Variants in RNF17 observed in about 807,000 individuals in gnomAD.
RNF17 encodes the protein spermatogenesis associated 23.
A neutral mutation model predicts 200.5 loss-of-function variants in RNF17; 31 were observed. The ratio of observed to expected loss-of-function variants is 0.15; its 90% CI spans 0.12 to 0.21. The LOEUF is 0.21. Ranked by LOEUF, RNF17 falls within the 10% of genes least tolerant of loss-of-function variation. The pLI, the probability that RNF17 is intolerant of heterozygous loss-of-function variation, is 1.00. For synonymous variants in RNF17, 606 were observed against 637.8 expected (o/e 0.95, Z 0.75); for missense variants, 1,628 against 1,905.1 (o/e 0.85, Z 2.71).
chr13:24,819,538 T>C (rs892265979), intron 15 of RNF17, among the ~76,000 whole-genome samples: 1 of 152,202 alleles, frequency 6.6e-6, no homozygotes, highest in African/African-American at 2.4e-5. Flanking sequence ...TTGTAGATTA[T>C]TTTTTATCAT....
chr13:24,827,725 A>AAAAAAC (rs1888885519), intron 16 of RNF17, among the ~76,000 whole-genome samples: 2 of 148,184 alleles, frequency 1.3e-5, no homozygotes, highest in South Asian at 4.3e-4. Flanking sequence ...AAACAAAAAA[A>AAAAAAC]AAAAAACAAT....
chr13:24,828,777 T>C (rs17071605), intron 16 of RNF17, among the ~76,000 whole-genome samples: 29,747 of 151,858 alleles, frequency 0.2, 3,176 homozygotes, highest in South Asian at 0.32. Flanking sequence ...TTCCATATGA[T>C]AAATGTTAGT....
chr13:24,802,461 A>G lies in RNF17; in HGVS notation c.1839A>G (p.Arg613=), dbSNP rs747683351. 1 of 1,614,020 alleles carries G rather than the reference A, an allele frequency of 6.2e-7. No individual in the cohort carries two copies. The highest frequency in any genetic ancestry group is 8.5e-7 in the Non-Finnish European group (1 of 1,179,908). ...NNKAVSMKVF[R]EEDGVLIVDL... is the part of the protein sequence containing the mutation. The stretch of plus-strand genomic sequence containing the variant: ...AGGCTGTTTCAATGAAAGTTTTTAG[A>G]GAAGAAGATGGTGTGCTTATTGTAG... Residue 613 remains arginine, a synonymous_variant, in exon 14 of 36, where the codon AGA becomes AGG. Coordinates refer to ENST00000255324, the MANE Select transcript of RNF17 (RefSeq NM_031277.3).
At chr13:24,758,300 C>G in the RNF17 span, among the ~76,000 whole-genome samples, 7 of 152,166 alleles carry the variant, frequency 4.6e-5, no homozygotes, top group Non-Finnish European at 8.8e-5. Flanking sequence ...CCACCCACCT[C>G]AAATTTTTAC....
At chr13:24,766,872 C>A (rs1593197680) in intron 1 of RNF17, among the ~76,000 whole-genome samples, 1 of 152,190 alleles carries the variant, frequency 6.6e-6, no homozygotes. Context: ...CATAGCTCTT[C>A]TTGGTTTTTC....
intron 16 of RNF17, among the ~76,000 whole-genome samples, chr13:24,828,941 C>T (rs1039761730): frequency 1.3e-5 from 2 of 151,932 alleles, no homozygotes; most frequent in South Asian, 2.1e-4. Flanking sequence ...CCAGATTAGC[C>T]GGGGCTATAG....
rs568011621 is a variant in RNF17 at position 24,837,080 on chromosome 13, TATATC to T, written c.2483-4959_2483-4955del. On this transcript the variant is annotated intron_variant, in intron 18 of 35. Transcript: ENST00000255324. ...AAAAACGAGCAAGGGTAGTTATTCT[TATATC>T]AGACAAAACAAACTTAAAGCAACAG... is the stretch of plus-strand genomic sequence containing the variant. Among the ~76,000 whole-genome samples the T allele has an allele frequency of 9.2e-5, 14 of 152,218 alleles. No homozygotes were observed. The East Asian group carries it at 2.5e-3, about 27-fold the overall frequency.
In RNF17 at chr13:24,868,640, C is replaced by A; in HGVS notation, c.4202C>A (p.Pro1401Gln). The stretch of plus-strand genomic sequence containing the variant: ...GAAACAGACACTCCTCTTTTACCAC[C>A]ATATTTGTCTTCATCTCTGCCTTCC... ...SAETDTPLLP[P>Q]YLSSSLPSPG... The change falls in exon 31 of 36, where the codon CCA becomes CAA. Residue 1401 changes from proline to glutamine, a missense_variant. By Grantham distance (76) the Pro-to-Gln change is moderately conservative. Around this residue, in one of 5 missense-constraint regions of RNF17, gnomAD observed 609 missense variants for 681.9 expected, o/e 0.89. Coordinates refer to ENST00000255324, the MANE Select transcript of RNF17 (RefSeq NM_031277.3). 1 of 1,610,484 alleles carries A rather than the reference C, an allele frequency of 6.2e-7. No homozygotes were observed. The highest frequency in any genetic ancestry group is 8.5e-7 in the Non-Finnish European group (1 of 1,176,852).
At chr13:24,887,199 TACTA>T in the RNF17 span, among the ~76,000 whole-genome samples, 7 of 152,256 alleles carry the variant, frequency 4.6e-5, no homozygotes, top group Non-Finnish European at 1.0e-4. Context: ...CATCAAAAGA[TACTA>T]TAAAGAGCAA....
At chr13:24,796,094 C>T in intron 10 of RNF17, 43 bp from the exon 11 acceptor site, 3 of 1,434,694 alleles carry the variant, frequency 2.1e-6, no homozygotes, top group Non-Finnish European at 2.9e-6. Context: ...GAATTATTTT[C>T]TAACTCATGG....
Position 24,764,195 on chromosome 13 carries a change from G to A in RNF17, c.-9G>A, listed in dbSNP as rs374621527. On this transcript the variant is annotated 5_prime_UTR_variant, in exon 1 of 36. Transcript: ENST00000255324. ...CACTCGGCGGTTGTTCCAGAAGAAA[G>A]AGACAGCGATGGCGGCAGAGGCTTC... 9.6e-4 allele frequency: 1,511 copies of A among 1,579,402 alleles called. 1 individual carries two copies. The highest frequency in any genetic ancestry group is 1.2e-3 in the Non-Finnish European group (1,442 of 1,154,194).
At chr13:24,750,965 A>AC in the RNF17 span, 1 of 152,166 alleles carries the variant, frequency 6.6e-6, no homozygotes. Context: ...CCTTTGGCAC[A>AC]CTTTTTTTTG....
At chr13:24,826,151 A>G (rs1293798569) in intron 16 of RNF17, 5 of 927,008 alleles carry the variant, frequency 5.4e-6, no homozygotes, top group Non-Finnish European at 6.4e-6. Context: ...TTCAATTTTA[A>G]TATATTCTTC....
At chr13:24,758,777 C>G in the RNF17 span, among the ~76,000 whole-genome samples, 1 of 152,060 alleles carries the variant, frequency 6.6e-6, no homozygotes, top group African/African-American at 2.4e-5. Context: ...TGTCCACTAT[C>G]AAAAACAACT....
intron 18 of RNF17, 109 bp from the exon 19 acceptor site, chr13:24,841,932 C>T (rs759515487): frequency 3.6e-5 from 32 of 898,750 alleles, no homozygotes; most frequent in Non-Finnish European, 5.0e-5. Context: ...TGCCACTGCA[C>T]TCCAGCCTGG....
At chr13:24,771,331 T>TTTTC (rs1172764763) in intron 2 of RNF17, among the ~76,000 whole-genome samples, 3 of 88,744 alleles carry the variant, frequency 3.4e-5, no homozygotes, top group Admixed American at 2.1e-4. Context: ...ATCTTTTTTT[T>TTTTC]TTTTTTTTTT....
chr13:24,797,677 A>AGG (rs1178549622), intron 11 of RNF17, among the ~76,000 whole-genome samples: 2 of 142,526 alleles, frequency 1.4e-5, no homozygotes, highest in Non-Finnish European at 3.1e-5. Context: ...TCTGAGTGGC[A>AGG]GGGAGAGAGA....
upstream of RNF17, among the ~76,000 whole-genome samples, chr13:24,763,369 AT>A (rs34750040): frequency 0.18 from 20,156 of 114,618 alleles, 1,507 homozygotes; most frequent in African/African-American, 0.28. Context: ...CGTCCGGCTA[AT>A]TTTTTTTTTT....
chr13:24,800,498 A>G lies in RNF17; in HGVS notation c.1722A>G (p.Gln574=), dbSNP rs35957316. 13,714 of 1,613,404 alleles carry G rather than the reference A, an allele frequency of 8.5e-3. 906 individuals are homozygous for G. The African/African-American group carries it at 0.15, about 18-fold the overall frequency. The change falls in exon 13 of 36, where the codon CAA becomes CAG. Residue 574 remains glutamine (Q), a synonymous_variant. Transcript: ENST00000255324. ...GLLKDIQPLA[Q]PCSLKDIVPQ... ...TAAAAGACATCCAGCCATTAGCACAACCATGCTCATTGAAAGACATTGTTC... is the reference window on the plus strand; with the variant it reads ...TAAAAGACATCCAGCCATTAGCACAGCCATGCTCATTGAAAGACATTGTTC...
Sources: allele counts gnomAD v4.1 joint callset (sites outside exome capture counted in the v4.1 genomes callset), GRCh38; gene constraint gnomAD v4.1.1; regional missense constraint gnomAD v4.1.1; transcripts MANE v1.5; gene names NCBI Gene and HGNC (gene_info 2026-07-23, HGNC 2026-07-21).